Variants in DLC1 observed in about 807,000 individuals in gnomAD.
DLC1 encodes the protein DLC1 Rho GTPase activating protein, also known as rho GTPase-activating protein 7.
A neutral mutation model predicts 140.3 loss-of-function variants in DLC1; 54 were observed. The ratio of observed to expected loss-of-function variants is 0.38; its 90% CI spans 0.31 to 0.48. DLC1 has a LOEUF of 0.48. Among genes scored for constraint, DLC1 ranks in the 20% least tolerant of loss-of-function variants. The pLI is 0.96. For synonymous variants in DLC1, 986 were observed against 728.1 expected (o/e 1.35, Z -5.70); for missense variants, 2,536 against 1,907.0 (o/e 1.33, Z -6.14).
intron 5 of DLC1, among the ~76,000 whole-genome samples, chr8:13,249,630 T>C (rs933642773): frequency 1.1e-4 from 17 of 152,306 alleles, no homozygotes; most frequent in African/African-American, 4.1e-4. Flanking sequence ...ACCTATTTCT[T>C]CCTTTCTCTC....
chr8:13,512,182 T>A (rs1357374844), intron 1 of DLC1, among the ~76,000 whole-genome samples: 1 of 152,032 alleles, frequency 6.6e-6, no homozygotes, highest in African/African-American at 2.4e-5. Context: ...AAGTGTTGAA[T>A]AGTGTCTCTT....
intron 5 of DLC1, among the ~76,000 whole-genome samples, chr8:13,221,079 G>C (rs1828525318): frequency 6.6e-6 from 1 of 152,162 alleles, no homozygotes; most frequent in African/African-American, 2.4e-5. Flanking sequence ...AATATCTTTT[G>C]AGTCTTCAGT....
chr8:13,498,803 C>T, intron 2 of DLC1: 1 of 393,108 alleles, frequency 2.5e-6, no homozygotes, highest in Non-Finnish European at 4.4e-6. Flanking sequence ...CTGTTTTCAA[C>T]ACAATTCTGA....
intron 2 of DLC1, among the ~76,000 whole-genome samples, chr8:13,413,759 C>T (rs895144823): frequency 6.6e-6 from 1 of 152,140 alleles, no homozygotes; most frequent in African/African-American, 2.4e-5. Flanking sequence ...AAGGTACTTG[C>T]TTCTCCTTAG....
At chr8:13,483,185 G>T (rs1246115752) in intron 2 of DLC1, among the ~76,000 whole-genome samples, 1 of 152,124 alleles carries the variant, frequency 6.6e-6, no homozygotes, top group African/African-American at 2.4e-5. Flanking sequence ...GTCCATGTCT[G>T]CTCCTCTTCT....
chr8:13,248,032 G>C (rs1034589293), intron 5 of DLC1, among the ~76,000 whole-genome samples: 3 of 152,206 alleles, frequency 2.0e-5, no homozygotes, highest in African/African-American at 7.2e-5. Flanking sequence ...ACAAAACACA[G>C]TGCAAGTTAT....
intron 4 of DLC1, among the ~76,000 whole-genome samples, chr8:13,330,031 C>T (rs2168208): frequency 0.3 from 45,665 of 152,006 alleles, 7,691 homozygotes; most frequent in Non-Finnish European, 0.39. Flanking sequence ...GTGGCATGAT[C>T]GTAGCTCACT....
intron 1 of DLC1, among the ~76,000 whole-genome samples, chr8:13,578,105 C>A (rs1020666861): frequency 2.1e-4 from 32 of 152,138 alleles, no homozygotes; most frequent in African/African-American, 7.7e-4. Flanking sequence ...GAACCAACTC[C>A]CTGGGAGTTG....
At chr8:13,472,908 A>C (rs1363615548) in intron 2 of DLC1, among the ~76,000 whole-genome samples, 1 of 152,214 alleles carries the variant, frequency 6.6e-6, no homozygotes, top group Non-Finnish European at 1.5e-5. Flanking sequence ...AGCACTACAG[A>C]TAATCTATCA....
chr8:13,577,352 T>G (rs149767694), intron 1 of DLC1, among the ~76,000 whole-genome samples: 1 of 152,336 alleles, frequency 6.6e-6, no homozygotes, highest in East Asian at 1.9e-4. Context: ...GATGGGTCAG[T>G]GTCCGTGTCC....
chr8:13,384,930 A>G (rs1836449735), intron 4 of DLC1, among the ~76,000 whole-genome samples: 1 of 152,072 alleles, frequency 6.6e-6, no homozygotes, highest in East Asian at 1.9e-4. Flanking sequence ...TAAAAAAAAA[A>G]TTGTCAACAT....
intron 2 of DLC1, among the ~76,000 whole-genome samples, chr8:13,407,154 T>A (rs973575770): frequency 6.6e-6 from 1 of 152,170 alleles, no homozygotes; most frequent in African/African-American, 2.4e-5. Flanking sequence ...TCCAAGCCCA[T>A]GGTGGTAAAC....
intron 1 of DLC1, among the ~76,000 whole-genome samples, chr8:13,562,142 G>A (rs986199794): frequency 4.0e-5 from 6 of 151,742 alleles, no homozygotes; most frequent in Admixed American, 3.9e-4. Flanking sequence ...AGAAGTAATC[G>A]GGTCAATTTA....
intron 5 of DLC1, among the ~76,000 whole-genome samples, chr8:13,233,572 GA>G (rs1465321367): frequency 6.6e-6 from 1 of 152,006 alleles, no homozygotes; most frequent in Non-Finnish European, 1.5e-5. Flanking sequence ...TTCTACAAAA[GA>G]GAATCTGCAT....
At chr8:13,579,434 TAC>T (rs1160197473) in intron 1 of DLC1, among the ~76,000 whole-genome samples, 5 of 21,772 alleles carry the variant, frequency 2.3e-4, no homozygotes, top group African/African-American at 4.9e-4. Flanking sequence ...ATATATTTAA[TAC>T]ATTATATTTT....
At chr8:13,174,013 C>G (rs1825631465) in intron 5 of DLC1, among the ~76,000 whole-genome samples, 1 of 152,128 alleles carries the variant, frequency 6.6e-6, no homozygotes, top group Admixed American at 6.5e-5. Flanking sequence ...TTGTTTCCCT[C>G]CTTCACTCTT....
chr8:13,113,247 T>C (rs141402432), intron 6 of DLC1, among the ~76,000 whole-genome samples: 4 of 152,288 alleles, frequency 2.6e-5, no homozygotes, highest in African/African-American at 9.6e-5. Flanking sequence ...AGGCAGGAAG[T>C]ATAAATTGCC....
intron 2 of DLC1, among the ~76,000 whole-genome samples, chr8:13,424,488 C>A (rs1200399417): frequency 6.6e-6 from 1 of 151,936 alleles, no homozygotes; most frequent in Non-Finnish European, 1.5e-5. Context: ...GACTCTGTCT[C>A]AAAAAATAAT....
At chr8:13,284,720 T>C (rs1210020605) in intron 5 of DLC1, among the ~76,000 whole-genome samples, 2 of 151,854 alleles carry the variant, frequency 1.3e-5, no homozygotes, top group Non-Finnish European at 2.9e-5. Flanking sequence ...ATATACAAAA[T>C]CAATTGTATT....
Sources: allele counts gnomAD v4.1 joint callset (sites outside exome capture counted in the v4.1 genomes callset), GRCh38; gene constraint gnomAD v4.1.1; transcripts MANE v1.5; gene names NCBI Gene and HGNC (gene_info 2026-07-23, HGNC 2026-07-21).